Variants in TESMIN observed in about 807,000 individuals in gnomAD.
TESMIN encodes CXC domain containing 2.
Under a neutral mutation model 47.4 loss-of-function variants are expected in TESMIN, and 34 were observed. The observed-to-expected ratio is 0.72, with a 90% CI of 0.55 to 0.96. TESMIN has a LOEUF of 0.96. Among genes scored for constraint, TESMIN ranks in the 40% least tolerant of loss-of-function variants. The pLI, the probability that TESMIN is intolerant of heterozygous loss-of-function variation, is 0.00. For synonymous variants in TESMIN, 278 were observed against 258.9 expected, an observed-to-expected ratio of 1.07 and a Z score of -0.71; for missense variants, 610 against 637.2, an observed-to-expected ratio of 0.96 and a Z score of 0.46.
rs555693343 is a variant in TESMIN, at chr11:68,711,170, T to A, written c.1159-121A>T. 17 of 825,386 alleles carry A rather than the reference T, an allele frequency of 2.1e-5. No homozygotes were observed. In the East Asian group the frequency reaches 4.2e-4, roughly 21 times the overall value. 51.1% of individuals were successfully genotyped at this position (825,386 alleles called of 1,614,324 possible). ...ATTTGCCCATGACAGAGAGTGTGTG[T>A]GTGTCTGTGTGTGTTGAGTGTGAAT... On this transcript the variant is annotated intron_variant, in intron 8 of 9. Transcript: ENST00000255087.
chr11:68,711,247 GGT>G (rs545301844), intron 8 of TESMIN, among the ~76,000 whole-genome samples, 198 bp from the exon 9 acceptor site: 17 of 150,484 alleles, frequency 1.1e-4, no homozygotes, highest in Middle Eastern at 3.2e-3. Flanking sequence ...GTGTGTGTGG[GGT>G]GTGTGTGTGT....
In TESMIN at chr11:68,707,871, A is replaced by C. The variant is rs1275728593; in HGVS notation, c.*437T>G. The C allele has an allele frequency of 4.4e-6, 2 of 457,768 alleles. No homozygotes were observed. The highest frequency in any genetic ancestry group is 2.0e-5 in the African/African-American group (1 of 50,278). The allele number at this position is 457,768 out of a possible 1,614,324, so 28.4% of individuals were successfully genotyped here. A position where few individuals can be genotyped will look rare whatever the true frequency, so the allele number is the denominator to read the frequency against. Reference sequence around the variant, plus strand: ...AACTTATTTCTAAATAATTTGAAAAACAAACAAGAAACCATTAGGGTTTTC... The same window carrying C: ...AACTTATTTCTAAATAATTTGAAAACCAAACAAGAAACCATTAGGGTTTTC... On this transcript the variant is annotated 3_prime_UTR_variant, in exon 10 of 10. Transcript: ENST00000255087.
downstream of TESMIN, among the ~76,000 whole-genome samples, chr11:68,706,619 A>G (rs1032852127): frequency 6.6e-6 from 1 of 152,206 alleles, no homozygotes; most frequent in Admixed American, 6.5e-5. Flanking sequence ...GTGCCAACTG[A>G]GACCTGCTGT....
At chr11:68,740,753 T>C (rs1946446345) in intron 5 of TESMIN, among the ~76,000 whole-genome samples, 1 of 152,208 alleles carries the variant, frequency 6.6e-6, no homozygotes, top group African/African-American at 2.4e-5. Context: ...TCACTTCCTT[T>C]GAGATCTCAT....
chr11:68,724,048 T>C (rs879890792), intron 6 of TESMIN, among the ~76,000 whole-genome samples: 1 of 152,178 alleles, frequency 6.6e-6, no homozygotes, highest in Non-Finnish European at 1.5e-5. Flanking sequence ...TAACGCATTT[T>C]ATTAGGCAAT....
rs1946095069 is a variant in TESMIN, at chr11:68,713,321, C to T, written c.1107G>A (p.Gly369=). The change falls in exon 8 of 10, where the codon GGG becomes GGA. Residue 369 remains glycine, a synonymous_variant. Coordinates refer to ENST00000255087, the MANE Select transcript of TESMIN (RefSeq NM_004923.3). The part of the protein sequence containing the change: ...LGNVKPQHNK[G]CNCRRSGCLK... ...GGCAGCCTGACCTCCTGCAGTTGCA[C>T]CCTTTGTTGTGCTGGGGCTTGACAT... is the stretch of plus-strand genomic sequence containing the variant. 2.5e-6 allele frequency: 4 copies of T among 1,614,072 alleles called. No homozygotes were observed. The highest frequency in any genetic ancestry group is 3.4e-6 in the Non-Finnish European group (4 of 1,180,028).
intron 6 of TESMIN, chr11:68,736,590 G>A: frequency 5.1e-6 from 5 of 985,410 alleles, no homozygotes; most frequent in Non-Finnish European, 6.0e-6. Context: ...GCCCAATTAA[G>A]TGGAGAGGCA....
chr11:68,740,784 G>A (rs766417144), intron 5 of TESMIN, among the ~76,000 whole-genome samples: 2 of 151,910 alleles, frequency 1.3e-5, no homozygotes, highest in African/African-American at 4.8e-5. Flanking sequence ...GGCTTTCAAC[G>A]CCATCTATAC....
chr11:68,729,627 A>G (rs1057127810), intron 6 of TESMIN, among the ~76,000 whole-genome samples: 1 of 152,204 alleles, frequency 6.6e-6, no homozygotes, highest in Non-Finnish European at 1.5e-5. Flanking sequence ...CAAGAGAATT[A>G]GAATTAGAAA....
At chr11:68,710,330 T>C (rs1657082740) in intron 9 of TESMIN, among the ~76,000 whole-genome samples, 1 of 152,204 alleles carries the variant, frequency 6.6e-6, no homozygotes, top group African/African-American at 2.4e-5. Context: ...TGGAATCTAA[T>C]AGATAGTAAA....
intron 4 of TESMIN, among the ~76,000 whole-genome samples, chr11:68,742,913 G>A (rs1272670255): frequency 2.7e-5 from 4 of 148,426 alleles, no homozygotes; most frequent in Admixed American, 6.7e-5. Flanking sequence ...ATCTTGCTCT[G>A]TTGCCCAGGC....
rs566324441 is a variant in TESMIN, at chr11:68,715,669, G to A, written c.1020+168C>T. Among the ~76,000 whole-genome samples, 22 of 152,250 alleles carry A rather than the reference G, an allele frequency of 1.4e-4. 1 individual carries two copies. The South Asian group carries it at 3.1e-3, about 22-fold the overall frequency. ...TCTGCCTACCACTTTTACAACAGCC[G>A]CTTGTCGTGGTTCAATACCCCCACC... On this transcript the variant is annotated intron_variant, in intron 7 of 9. Transcript: ENST00000255087.
Position 68,715,868 on chromosome 11 carries a change from T to C in TESMIN, c.989A>G (p.His330Arg). ...CNCNNCCNNLHHDIERFKAIK... is the reference protein window; with the variant it reads ...CNCNNCCNNLRHDIERFKAIK... Reference sequence around the variant, plus strand: ...GGCTTTAAACCGTTCAATATCATGATGCAAGTTGTTGCAACAATTATTACA... The same window carrying C: ...GGCTTTAAACCGTTCAATATCATGACGCAAGTTGTTGCAACAATTATTACA... The change falls in exon 7 of 10, where the codon CAT becomes CGT. Residue 330 changes from histidine to arginine, a missense_variant. Transcript: ENST00000255087. The C allele has an allele frequency of 4.3e-6, 7 of 1,612,154 alleles. No homozygotes were observed. The highest frequency in any genetic ancestry group is 5.9e-6 in the Non-Finnish European group (7 of 1,178,248).
intron 6 of TESMIN, chr11:68,733,518 T>C (rs1179577495): frequency 6.6e-6 from 1 of 152,176 alleles, no homozygotes; most frequent in Admixed American, 6.5e-5. Context: ...ACAACGAGCA[T>C]TAGGACAAGG....
At chr11:68,747,612 A>C (rs1946538527) in intron 2 of TESMIN, among the ~76,000 whole-genome samples, 1 of 152,216 alleles carries the variant, frequency 6.6e-6, no homozygotes, top group South Asian at 2.1e-4. Flanking sequence ...CCCATCACAC[A>C]TTCTTCCAGC....
chr11:68,725,461 G>A (rs1594291426), intron 6 of TESMIN, among the ~76,000 whole-genome samples: 1 of 152,074 alleles, frequency 6.6e-6, no homozygotes, highest in East Asian at 1.9e-4. Flanking sequence ...CCTCAATGCT[G>A]GCACACTGGC....
At chr11:68,737,901 A>C (rs745497245) in intron 6 of TESMIN, 83 of 958,954 alleles carry the variant, frequency 8.7e-5, no homozygotes, top group Admixed American at 1.3e-4. Flanking sequence ...TGACAGAGCA[A>C]GAGTCCGTCT....
At chr11:68,745,253 TC>T in intron 3 of TESMIN, 142 bp from the exon 4 acceptor site, 2 of 733,360 alleles carry the variant, frequency 2.7e-6, no homozygotes, top group Non-Finnish European at 4.1e-6. Context: ...AGATCTGTTT[TC>T]GATTTCTTAC....
intron 5 of TESMIN, among the ~76,000 whole-genome samples, chr11:68,741,435 C>T (rs559011385): frequency 2.3e-4 from 35 of 152,330 alleles, no homozygotes; most frequent in African/African-American, 7.9e-4. Context: ...TGCAACTAGG[C>T]TTTTTCCCCA....
Sources: allele counts gnomAD v4.1 joint callset (sites outside exome capture counted in the v4.1 genomes callset), GRCh38; gene constraint gnomAD v4.1.1; transcripts MANE v1.5; gene names NCBI Gene and HGNC (gene_info 2026-07-23, HGNC 2026-07-21).